MAP3K5: variants seen among roughly 807,000 people sequenced by gnomAD.
MAP3K5 encodes the protein mitogen-activated protein kinase kinase kinase 5, also known as ASK-1.
In MAP3K5, 56 loss-of-function variants were observed where a neutral mutation model predicts 158.7. The ratio of observed to expected loss-of-function variants is 0.35; its 90% CI spans 0.28 to 0.44. The LOEUF is 0.44. Among genes scored for constraint, MAP3K5 ranks in the 20% least tolerant of loss-of-function variants. The pLI, the probability that MAP3K5 is intolerant of heterozygous loss-of-function variation, is 1.00. For synonymous variants in MAP3K5, 579 were observed against 601.7 expected, an observed-to-expected ratio of 0.96 and a Z score of 0.55; for missense variants, 1,294 against 1,674.8, an observed-to-expected ratio of 0.77 and a Z score of 3.97.
At chr6:136,670,417 TA>T (rs1250062196) in intron 7 of MAP3K5, among the ~76,000 whole-genome samples, 1 of 151,952 alleles carries the variant, frequency 6.6e-6, no homozygotes. Context: ...CTTTTATTTT[TA>T]AAAAAATCAT....
intron 1 of MAP3K5, among the ~76,000 whole-genome samples, chr6:136,744,501 G>A (rs1782849884): frequency 6.6e-6 from 1 of 152,100 alleles, no homozygotes; most frequent in African/African-American, 2.4e-5. Flanking sequence ...AACTCCCACA[G>A]ATATCTTGAG....
intron 19 of MAP3K5, among the ~76,000 whole-genome samples, chr6:136,602,223 A>G (rs1254741363): frequency 1.3e-5 from 2 of 152,254 alleles, no homozygotes; most frequent in East Asian, 3.8e-4. Context: ...AGGCAGCACT[A>G]TGAAGTAATA....
At chr6:136,721,233 A>C (rs1781735939) in intron 1 of MAP3K5, among the ~76,000 whole-genome samples, 1 of 152,110 alleles carries the variant, frequency 6.6e-6, no homozygotes, top group Admixed American at 6.5e-5. Context: ...TTAAAAAAAA[A>C]AAAACAGATT....
At chr6:136,656,623 C>CT (rs144822542) in intron 9 of MAP3K5, among the ~76,000 whole-genome samples, 163 bp from the exon 10 acceptor site, 145 of 145,224 alleles carry the variant, frequency 1.0e-3, no homozygotes, top group East Asian at 1.2e-3. Flanking sequence ...TGTTTTCACA[C>CT]TTTTTTTTTT....
At chr6:136,634,135 T>C (rs1352872149) in intron 14 of MAP3K5, among the ~76,000 whole-genome samples, 1 of 152,248 alleles carries the variant, frequency 6.6e-6, no homozygotes, top group Non-Finnish European at 1.5e-5. Flanking sequence ...TAATCAAATA[T>C]GCAGGATGCT....
chr6:136,754,946 GA>G (rs1783407753), intron 1 of MAP3K5, among the ~76,000 whole-genome samples: 1 of 152,064 alleles, frequency 6.6e-6, no homozygotes, highest in African/African-American at 2.4e-5. Flanking sequence ...CCAGAAATAT[GA>G]GGTTGTCGTC....
At chr6:136,734,421 GAAAAAAAAAAAA>G (rs1016817563) in intron 1 of MAP3K5, among the ~76,000 whole-genome samples, 1 of 56,734 alleles carries the variant, frequency 1.8e-5, no homozygotes, top group Non-Finnish European at 3.2e-5. Context: ...CTCTGTCTCG[GAAAAAAAAAAAA>G]AAAAAAAAAA....
intron 1 of MAP3K5, among the ~76,000 whole-genome samples, chr6:136,750,038 G>C (rs1486479886): frequency 6.6e-6 from 1 of 151,922 alleles, no homozygotes; most frequent in African/African-American, 2.4e-5. Flanking sequence ...GACAAGGTGT[G>C]GTCATCCTCT....
rs145428554 is a variant in MAP3K5 at position 136,656,694 on chromosome 6, G to A, written c.1527-234C>T. ...GGCTGGAGTGCAGTGGTGTAATCTCGGCTCACTGCAAGCTCCGCCTGCCGG... is the reference window on the plus strand; with the variant it reads ...GGCTGGAGTGCAGTGGTGTAATCTCAGCTCACTGCAAGCTCCGCCTGCCGG... On this transcript the variant is annotated intron_variant, in intron 9 of 29. Transcript: ENST00000359015. 8.6e-3 allele frequency among the ~76,000 whole-genome samples: 1,303 copies of A among 151,542 alleles called. 9 individuals carry two copies. Among genetic ancestry groups the A allele is most frequent in the Non-Finnish European group, 0.013 (863 of 67,886 alleles).
intron 1 of MAP3K5, among the ~76,000 whole-genome samples, chr6:136,750,479 T>C (rs1156387809): frequency 6.6e-6 from 1 of 152,218 alleles, no homozygotes; most frequent in Middle Eastern, 3.2e-3. Flanking sequence ...CAGTGAGGTG[T>C]TTTGCAGGAC....
At chr6:136,725,175 G>C (rs912701307) in intron 1 of MAP3K5, among the ~76,000 whole-genome samples, 2 of 152,322 alleles carry the variant, frequency 1.3e-5, no homozygotes, top group Admixed American at 6.5e-5. Flanking sequence ...TCATGTACAA[G>C]TCTTTATATA....
chr6:136,680,902 T>TG (rs1779906204), intron 7 of MAP3K5, among the ~76,000 whole-genome samples: 1 of 151,902 alleles, frequency 6.6e-6, no homozygotes, highest in Non-Finnish European at 1.5e-5. Context: ...GGGGCGGGGC[T>TG]GGGGGTGTAG....
intron 8 of MAP3K5, among the ~76,000 whole-genome samples, chr6:136,661,017 T>C (rs868129826): frequency 2.0e-5 from 3 of 152,152 alleles, no homozygotes; most frequent in Non-Finnish European, 2.9e-5. Flanking sequence ...TGAATAGAAA[T>C]GTTTTTTGAA....
chr6:136,777,549 A>G (rs1422207508), intron 1 of MAP3K5, among the ~76,000 whole-genome samples: 1 of 152,232 alleles, frequency 6.6e-6, no homozygotes, highest in South Asian at 2.1e-4. Flanking sequence ...GTCATGGAAG[A>G]ACTAACGCAC....
intron 7 of MAP3K5, among the ~76,000 whole-genome samples, chr6:136,693,831 A>G (rs1257612753): frequency 6.6e-6 from 1 of 152,118 alleles, no homozygotes; most frequent in Non-Finnish European, 1.5e-5. Context: ...TCTCCTAAAA[A>G]TGTAAAAATT....
intron 1 of MAP3K5, among the ~76,000 whole-genome samples, chr6:136,746,653 G>GA (rs1160146993): frequency 4.0e-5 from 6 of 151,468 alleles, no homozygotes; most frequent in Non-Finnish European, 7.4e-5. Context: ...TTTAACAGGG[G>GA]AAAAAAAACA....
chr6:136,772,237 A>AG (rs950536647), intron 1 of MAP3K5, among the ~76,000 whole-genome samples: 139 of 147,526 alleles, frequency 9.4e-4, no homozygotes, highest in African/African-American at 1.5e-3. Flanking sequence ...CATTATTTTG[A>AG]GGGGGGGGGA....
intron 10 of MAP3K5, among the ~76,000 whole-genome samples, chr6:136,654,478 C>T (rs1717864853): frequency 2.0e-5 from 3 of 151,306 alleles, no homozygotes; most frequent in South Asian, 4.2e-4. Flanking sequence ...TGGAGTTTTG[C>T]TCTTGTTGCC....
In MAP3K5 at chr6:136,580,391, G is replaced by C; in HGVS notation, c.3427C>G (p.Arg1143Gly). The change falls in exon 25 of 30, where the codon CGG becomes GGG. Residue 1143 changes from arginine (R) to glycine (G), a missense_variant. Coordinates refer to ENST00000359015, the MANE Select transcript of MAP3K5 (RefSeq NM_005923.4). ...GFQDAVNKVL[R>G]NHNIKPHWMF... ...CAGTGCGGCTTGATGTTATGATTCC[G>C]AAGAACTTTATTGACCTGGAGAGAG... 1.2e-6 allele frequency: 2 copies of C among 1,611,434 alleles called. No homozygotes were observed. The highest frequency in any genetic ancestry group is 1.7e-6 in the Non-Finnish European group (2 of 1,177,744).
Sources: gnomAD v4.1 joint callset for allele counts (sites outside exome capture counted in the v4.1 genomes callset) on GRCh38, gnomAD v4.1.1 for gene constraint, MANE v1.5 for transcripts, NCBI Gene and HGNC (gene_info 2026-07-23, HGNC 2026-07-21) for gene names.